The following XYLT1 variants were observed in gnomAD, a reference collection of about 807,000 sequenced individuals.
XYLT1 encodes the protein xylosyltransferase 1, also known as beta-D-xylosyltransferase 1.
A neutral mutation model predicts 91.3 loss-of-function variants in XYLT1; 36 were observed. The ratio of observed to expected loss-of-function variants is 0.39; its 90% CI spans 0.30 to 0.52. XYLT1 has a LOEUF of 0.52. Ranked by LOEUF, XYLT1 falls within the 20% of genes least tolerant of loss-of-function variation. XYLT1 has a pLI of 0.68. For missense variants in XYLT1, 1,242 were observed against 1,284.5 expected, an observed-to-expected ratio of 0.97 and a Z score of 0.51; for synonymous variants, 588 against 532.0, an observed-to-expected ratio of 1.11 and a Z score of -1.45.
chr16:17,377,190 A>G (rs1596512325), intron 1 of XYLT1, among the ~76,000 whole-genome samples: 1 of 102,788 alleles, frequency 9.7e-6, no homozygotes, highest in Non-Finnish European at 1.8e-5. Context: ...CACACACACA[A>G]AATTAGGTAC....
At chr16:17,197,278 T>C (rs1199469131) in intron 5 of XYLT1, among the ~76,000 whole-genome samples, 1 of 152,052 alleles carries the variant, frequency 6.6e-6, no homozygotes, top group Admixed American at 6.6e-5. Flanking sequence ...CCTGGACCAC[T>C]TTCTCTGTAG....
At chr16:17,466,003 G>T (rs147545112) in intron 1 of XYLT1, among the ~76,000 whole-genome samples, 2 of 152,326 alleles carry the variant, frequency 1.3e-5, no homozygotes, top group African/African-American at 4.8e-5. Context: ...GTACTCAACA[G>T]AGGCCTCTTT....
At chr16:17,259,998 C>T (rs903430376) in intron 2 of XYLT1, among the ~76,000 whole-genome samples, 1 of 151,208 alleles carries the variant, frequency 6.6e-6, no homozygotes, top group Non-Finnish European at 1.5e-5. Flanking sequence ...CAGACTGAGC[C>T]GTTGTAAATT....
chr16:17,114,250 C>G (rs570056522), intron 11 of XYLT1, among the ~76,000 whole-genome samples: 16 of 152,352 alleles, frequency 1.1e-4, no homozygotes, highest in African/African-American at 3.8e-4. Flanking sequence ...GTTCTGTGAG[C>G]TGCTCTAGCA....
chr16:17,402,330 A>AC (rs1567190260), intron 1 of XYLT1, among the ~76,000 whole-genome samples: 1 of 151,942 alleles, frequency 6.6e-6, no homozygotes, highest in Non-Finnish European at 1.5e-5. Context: ...ACAAAAACAA[A>AC]AAAAAAAGGG....
intron 1 of XYLT1, among the ~76,000 whole-genome samples, chr16:17,423,937 G>A (rs1452839918): frequency 6.6e-6 from 1 of 152,130 alleles, no homozygotes; most frequent in South Asian, 2.1e-4. Flanking sequence ...TGGTGACCCA[G>A]GAGCAATTCT....
intron 3 of XYLT1, among the ~76,000 whole-genome samples, chr16:17,234,233 T>A (rs1053913763): frequency 3.3e-5 from 5 of 152,168 alleles, no homozygotes; most frequent in African/African-American, 1.2e-4. Context: ...CTGGATTCAA[T>A]TGCAGAAAGC....
At chr16:17,265,291 A>G (rs1051928885) in intron 2 of XYLT1, among the ~76,000 whole-genome samples, 1 of 152,208 alleles carries the variant, frequency 6.6e-6, no homozygotes, top group Non-Finnish European at 1.5e-5. Flanking sequence ...AAGAATGAGC[A>G]GTAAACCAGA....
In XYLT1 at chr16:17,197,014, A is replaced by AATATAT. The variant is rs536988187; in HGVS notation, c.1289+1192_1289+1197dup. Among the ~76,000 whole-genome samples, 185 of 110,442 alleles carry AATATAT rather than the reference A, an allele frequency of 1.7e-3. 15 individuals carry two copies. Among genetic ancestry groups the AATATAT allele is most frequent in the African/African-American group, 3.9e-3 (86 of 22,288 alleles). The allele number at this position is 110,442 out of a possible 152,430, so 72.5% of individuals were successfully genotyped here. A position where few individuals can be genotyped will look rare whatever the true frequency, so the allele number is the denominator to read the frequency against. On this transcript the variant is annotated intron_variant, in intron 5 of 11. Transcript: ENST00000261381. ...TGACAGAGCGAGACTCTGTCTCCAA[A>AATATAT]ATATATATATATATATAGATATATA...
chr16:17,126,933 C>G (rs182365554), intron 10 of XYLT1, among the ~76,000 whole-genome samples: 179 of 152,270 alleles, frequency 1.2e-3, no homozygotes, highest in Non-Finnish European at 9.9e-4. Context: ...TGTGAACAAT[C>G]AATGAGTGAC....
chr16:17,353,899 A>G (rs2035256225), intron 2 of XYLT1, among the ~76,000 whole-genome samples: 1 of 152,200 alleles, frequency 6.6e-6, no homozygotes, highest in Admixed American at 6.5e-5. Context: ...CATCAACACT[A>G]TCTGCTTCCT....
intron 2 of XYLT1, among the ~76,000 whole-genome samples, chr16:17,271,688 C>G (rs1378911514): frequency 6.6e-6 from 1 of 152,082 alleles, no homozygotes; most frequent in Non-Finnish European, 1.5e-5. Flanking sequence ...TTGTTACAAC[C>G]AAAAATGTCT....
In XYLT1 at chr16:17,438,829, G is replaced by A. The variant is rs559795579; in HGVS notation, c.363+31605C>T. Among the ~76,000 whole-genome samples, 131 of 152,086 alleles carry A rather than the reference G, an allele frequency of 8.6e-4. 1 individual carries two copies. The highest frequency in any genetic ancestry group is 2.9e-3 in the African/African-American group (120 of 41,464). ...CACGAGAACAGTAAGGGGAAAGTCC[G>A]CCCCCATGATCCAATCACCTCCCAC... On this transcript the variant is annotated intron_variant, in intron 1 of 11. Transcript: ENST00000261381.
chr16:17,385,360 A>G (rs1396208472), intron 1 of XYLT1, among the ~76,000 whole-genome samples: 1 of 151,356 alleles, frequency 6.6e-6, no homozygotes, highest in Non-Finnish European at 1.5e-5. Flanking sequence ...AGAGGCTGTA[A>G]TATCTTATTT....
At position 17,449,414 on chromosome 16, in the gene XYLT1, T is replaced by C. The variant is rs562488565; in HGVS notation, c.363+21020A>G. 5.9e-5 allele frequency among the ~76,000 whole-genome samples: 9 copies of C among 152,356 alleles called. 1 individual carries two copies. The highest frequency in any genetic ancestry group is 2.2e-4 in the African/African-American group (9 of 41,592). Reference sequence around the variant, plus strand: ...AGCTGTGGACACTTCCCCTATGGGCTGCGGGGACGGGGCAGGCCCAGCACC... The same window carrying C: ...AGCTGTGGACACTTCCCCTATGGGCCGCGGGGACGGGGCAGGCCCAGCACC... On this transcript the variant is annotated intron_variant, in intron 1 of 11. Coordinates refer to ENST00000261381, the MANE Select transcript of XYLT1 (RefSeq NM_022166.4).
intron 3 of XYLT1, among the ~76,000 whole-genome samples, chr16:17,252,777 A>G (rs2033561802): frequency 6.6e-6 from 1 of 152,150 alleles, no homozygotes; most frequent in Non-Finnish European, 1.5e-5. Context: ...TACCAAAGTC[A>G]ACATTTAAAA....
intron 1 of XYLT1, among the ~76,000 whole-genome samples, chr16:17,435,764 C>A (rs11864467): frequency 0.34 from 51,899 of 152,030 alleles, 10,162 homozygotes; most frequent in African/African-American, 0.52. Flanking sequence ...TCCAAGGATT[C>A]TCTCATTGAC....
chr16:17,326,123 G>A (rs1037977201), intron 2 of XYLT1, among the ~76,000 whole-genome samples: 4 of 152,130 alleles, frequency 2.6e-5, no homozygotes, highest in African/African-American at 9.7e-5. Context: ...AGACATATCC[G>A]TCACCTCTAA....
intron 5 of XYLT1, among the ~76,000 whole-genome samples, chr16:17,186,557 G>A (rs562533982): frequency 6.7e-5 from 10 of 149,120 alleles, no homozygotes; most frequent in Non-Finnish European, 7.4e-5. Flanking sequence ...CTCCCACCTC[G>A]GCCTCTCAAA....
Sources: allele counts gnomAD v4.1 joint callset (sites outside exome capture counted in the v4.1 genomes callset), GRCh38; gene constraint gnomAD v4.1.1; transcripts MANE v1.5; gene names NCBI Gene and HGNC (gene_info 2026-07-23, HGNC 2026-07-21).